The following ANKRD6 variants were observed in gnomAD, a reference collection of about 807,000 sequenced individuals.
ANKRD6 encodes the protein ankyrin repeat domain-containing protein 6.
A neutral mutation model predicts 82.3 loss-of-function variants in ANKRD6; 56 were observed. The observed-to-expected ratio is 0.68, with a 90% confidence interval of 0.55 to 0.85. The LOEUF is 0.85. Ranked by LOEUF, ANKRD6 falls within the 40% of genes least tolerant of loss-of-function variation. ANKRD6 has a pLI of 0.00. For missense variants in ANKRD6, 852 were observed against 907.6 expected (o/e 0.94, Z 0.79); for synonymous variants, 347 against 352.1 (o/e 0.99, Z 0.16).
Position 89,625,973 on chromosome 6 carries a change from G to A in ANKRD6, c.1371+1282G>A, listed in dbSNP as rs746818819. Among the ~76,000 whole-genome samples, 49 of 152,222 alleles carry A rather than the reference G, an allele frequency of 3.2e-4. 1 individual carries two copies. Among genetic ancestry groups the A allele is most frequent in the Admixed American group, 2.0e-4 (3 of 15,298 alleles). On this transcript the variant is annotated intron_variant, in intron 13 of 15. Coordinates refer to ENST00000339746, the MANE Select transcript of ANKRD6 (RefSeq NM_001242809.2). ...TGGTGTCAAACTCCTGGGCTCAAGC[G>A]CCTCGCCTGCCTTGGCCTCCCAAGG...
intron 1 of ANKRD6, among the ~76,000 whole-genome samples, chr6:89,451,253 G>A (rs940475721): frequency 1.3e-5 from 2 of 152,154 alleles, no homozygotes; most frequent in African/African-American, 4.8e-5. Flanking sequence ...AGGTTGCAGT[G>A]AGCTGAGATC....
At chr6:89,622,156 T>C (rs905140245) in intron 10 of ANKRD6, 130 bp downstream of exon 10, 25 of 745,748 alleles carry the variant, frequency 3.4e-5, no homozygotes, top group Non-Finnish European at 5.1e-5. Flanking sequence ...GCTGGAGCTC[T>C]TCAAACTGTT....
intron 1 of ANKRD6, among the ~76,000 whole-genome samples, chr6:89,518,328 G>A (rs551363123): frequency 2.1e-4 from 32 of 152,220 alleles, no homozygotes; most frequent in Non-Finnish European, 3.8e-4. Flanking sequence ...CTTGAGCCTG[G>A]GAGTTAGAGG....
rs1807450487 is a variant in ANKRD6 at position 89,631,757 on chromosome 6, G to A, written c.*753G>A. 1 of 151,982 alleles carries A rather than the reference G, an allele frequency of 6.6e-6. No individual in the cohort carries two copies. The highest frequency in any genetic ancestry group is 2.4e-5 in the African/African-American group (1 of 41,384). 9.4% of individuals were successfully genotyped at this position (151,982 alleles called of 1,614,324 possible). A position where few individuals can be genotyped will look rare whatever the true frequency, so the allele number is the denominator to read the frequency against. ...ATAGTGATTTTAAAGCAGATTAATG[G>A]AAAAAAATTCATGTAACAATTACCT... On this transcript the variant is annotated 3_prime_UTR_variant, in exon 16 of 16. Coordinates refer to ENST00000339746, the MANE Select transcript of ANKRD6 (RefSeq NM_001242809.2).
At chr6:89,627,504 G>GC in intron 13 of ANKRD6, 79 bp from the exon 14 acceptor site, 1 of 1,340,304 alleles carries the variant, frequency 7.5e-7, no homozygotes, top group South Asian at 1.2e-5. Flanking sequence ...GGTTCCCCAA[G>GC]CCCCTCTGCA....
At chr6:89,437,013 G>T (rs1165302204) in intron 1 of ANKRD6, among the ~76,000 whole-genome samples, 1 of 152,080 alleles carries the variant, frequency 6.6e-6, no homozygotes, top group African/African-American at 2.4e-5. Flanking sequence ...TTTTTAACCT[G>T]GGGTTCAGTG....
chr6:89,540,067 T>A (rs1036286899), intron 1 of ANKRD6, among the ~76,000 whole-genome samples: 17 of 152,200 alleles, frequency 1.1e-4, no homozygotes, highest in Admixed American at 3.9e-4. Context: ...AAATCTTAGC[T>A]ATTATAAACA....
At chr6:89,605,768 G>A (rs1009542704) in intron 4 of ANKRD6, among the ~76,000 whole-genome samples, 1 of 152,126 alleles carries the variant, frequency 6.6e-6, no homozygotes, top group Non-Finnish European at 1.5e-5. Context: ...ATCATCCATG[G>A]TTCGTCATGG....
chr6:89,596,120 G>C (rs987325882), intron 3 of ANKRD6, 106 bp downstream of exon 3: 31 of 968,392 alleles, frequency 3.2e-5, no homozygotes, highest in Non-Finnish European at 4.6e-5. Flanking sequence ...AGATGCTCTC[G>C]CAGCACATTT....
intron 1 of ANKRD6, among the ~76,000 whole-genome samples, chr6:89,537,604 T>C (rs1783987860): frequency 6.6e-6 from 1 of 151,348 alleles, no homozygotes; most frequent in Non-Finnish European, 1.5e-5. Flanking sequence ...TGTTTTATAT[T>C]TTATAATAAA....
intron 1 of ANKRD6, among the ~76,000 whole-genome samples, chr6:89,453,260 G>A (rs1355740684): frequency 6.6e-6 from 1 of 152,042 alleles, no homozygotes; most frequent in Non-Finnish European, 1.5e-5. Context: ...TGACTGTTCT[G>A]GAACCTTTTA....
intron 1 of ANKRD6, among the ~76,000 whole-genome samples, chr6:89,493,136 C>A (rs770243402): frequency 2.7e-4 from 41 of 152,168 alleles, no homozygotes; most frequent in Non-Finnish European, 5.4e-4. Flanking sequence ...CCTTTTGTAA[C>A]AAATTACCAC....
At chr6:89,608,256 C>T (rs917647025) in intron 5 of ANKRD6, among the ~76,000 whole-genome samples, 1 of 151,684 alleles carries the variant, frequency 6.6e-6, no homozygotes, top group Non-Finnish European at 1.5e-5. Flanking sequence ...GTGGTAGCTT[C>T]AGCTAATAGT....
intron 1 of ANKRD6, among the ~76,000 whole-genome samples, chr6:89,538,472 A>G (rs1034877596): frequency 3.9e-5 from 6 of 152,238 alleles, no homozygotes; most frequent in Non-Finnish European, 5.9e-5. Context: ...GCTACAATAC[A>G]GGAAAGCATT....
intron 1 of ANKRD6, among the ~76,000 whole-genome samples, chr6:89,475,448 T>C (rs147377667): frequency 6.6e-6 from 1 of 152,364 alleles, no homozygotes; most frequent in African/African-American, 2.4e-5. Context: ...ATTCTGTTTG[T>C]TAGCATATCT....
chr6:89,514,893 T>A (rs776443648), intron 1 of ANKRD6, among the ~76,000 whole-genome samples: 11 of 152,190 alleles, frequency 7.2e-5, no homozygotes, highest in Non-Finnish European at 1.6e-4. Flanking sequence ...ATTTTAGTCC[T>A]TCTTGTCTGG....
At chr6:89,628,894 A>G in intron 14 of ANKRD6, 1 of 535,504 alleles carries the variant, frequency 1.9e-6, no homozygotes, top group East Asian at 3.5e-5. Flanking sequence ...ATGAGGCCCC[A>G]CCTCCAACAC....
At chr6:89,573,688 TA>T (rs1341766300) in intron 2 of ANKRD6, among the ~76,000 whole-genome samples, 20 of 152,256 alleles carry the variant, frequency 1.3e-4, no homozygotes, top group Non-Finnish European at 2.6e-4. Context: ...CCCTCTTGCT[TA>T]CGGGACAATT....
chr6:89,521,442 G>C (rs376860712), intron 1 of ANKRD6, among the ~76,000 whole-genome samples: 9 of 152,320 alleles, frequency 5.9e-5, no homozygotes, highest in Admixed American at 3.9e-4. Context: ...TGTGAGGCTG[G>C]AGTGAAGGGG....
Sources: allele counts gnomAD v4.1 joint callset (sites outside exome capture counted in the v4.1 genomes callset), GRCh38; gene constraint gnomAD v4.1.1; transcripts MANE v1.5; gene names NCBI Gene and HGNC (gene_info 2026-07-23, HGNC 2026-07-21).